HSD3B1: variants seen among roughly 807,000 people sequenced by gnomAD.
HSD3B1 encodes 3 beta-hydroxysteroid dehydrogenase/Delta 5-->4-isomerase type 1.
In HSD3B1, 11 loss-of-function variants were observed where a neutral mutation model predicts 10.4. That is an observed-to-expected ratio of 1.05 (90% CI 0.66 to 1.75). The LOEUF is 1.75. Among genes scored for constraint, HSD3B1 ranks in the 40% most tolerant of loss-of-function variants. The pLI is 0.00. For missense variants in HSD3B1, 490 were observed against 454.5 expected (o/e 1.08, Z -0.71); for synonymous variants, 217 against 185.4 (o/e 1.17, Z -1.39).
chr1:119,510,818 C>A (rs1205895676), intron 2 of HSD3B1, among the ~76,000 whole-genome samples: 1 of 136,024 alleles, frequency 7.4e-6, no homozygotes, highest in Non-Finnish European at 1.5e-5. Flanking sequence ...TGGCTCACTG[C>A]CAGGAACCAG....
At position 119,514,616 on chromosome 1, in the gene HSD3B1, A is replaced by G; in HGVS notation, c.1093A>G (p.Lys365Glu). 2 of 1,613,864 alleles carry G rather than the reference A, an allele frequency of 1.2e-6. No homozygotes were observed. Among genetic ancestry groups the G allele is most frequent in the Non-Finnish European group, 1.7e-6 (2 of 1,179,962 alleles). Residue 365 changes from lysine (K) to glutamate (E), a missense_variant, in exon 4 of 4, where the codon AAG becomes GAG. By Grantham distance (56) the Lys-to-Glu change is moderately conservative. Transcript: ENST00000369413. Reference protein sequence around the residue: ...EWVGSLVDRHKETLKSKTQ With the variant: ...EWVGSLVDRHEETLKSKTQ ...GGTTGGTTCCCTTGTGGACCGGCACAAGGAGACCCTGAAGTCCAAGACTCA... is the reference window on the plus strand; with the variant it reads ...GGTTGGTTCCCTTGTGGACCGGCACGAGGAGACCCTGAAGTCCAAGACTCA...
rs141383681 is a variant in HSD3B1, at chr1:119,514,582, G to A, written c.1059G>A (p.Thr353=). The A allele has an allele frequency of 8.7e-6, 14 of 1,613,916 alleles. No individual in the cohort carries two copies. Among genetic ancestry groups the A allele is most frequent in the East Asian group, 6.7e-5 (3 of 44,820 alleles). ...LYSWEEAKQK[T]VEWVGSLVDR... ...GCTGGGAGGAAGCCAAGCAGAAAAC[G>A]GTGGAGTGGGTTGGTTCCCTTGTGG... The change falls in exon 4 of 4, where the codon ACG becomes ACA. Residue 353 remains threonine (T), a synonymous_variant. Transcript: ENST00000369413.
chr1:119,510,717 CTTTTTTTTTTT>C (rs962978657), intron 2 of HSD3B1, among the ~76,000 whole-genome samples: 95 of 54,144 alleles, frequency 1.8e-3, no homozygotes, highest in African/African-American at 3.8e-3. Flanking sequence ...GTGTGGTTTT[CTTTTTTTTTTT>C]TTTTTTTTTT....
intron 2 of HSD3B1, 125 bp from the exon 3 acceptor site, chr1:119,511,378 G>A (rs1653932306): frequency 3.5e-6 from 3 of 856,050 alleles, no homozygotes; most frequent in Non-Finnish European, 5.7e-6. Context: ...TCCGTAGAAT[G>A]TACACCCTCC....
chr1:119,514,959 T>C lies in HSD3B1; in HGVS notation c.*314T>C. Reference sequence around the variant, plus strand: ...GGTCGTTTTGACTACTAGAGCTCCATTTCTACTCTTAAATGAGAAAGGATT... The same window carrying C: ...GGTCGTTTTGACTACTAGAGCTCCACTTCTACTCTTAAATGAGAAAGGATT... On this transcript the variant is annotated 3_prime_UTR_variant, in exon 4 of 4. Coordinates refer to ENST00000369413, the MANE Select transcript of HSD3B1 (RefSeq NM_000862.3). 2.8e-6 allele frequency: 1 copy of C among 354,364 alleles called. No homozygotes were observed. The allele number at this position is 354,364 out of a possible 1,614,324, so 22.0% of individuals were successfully genotyped here.
intron 2 of HSD3B1, chr1:119,508,032 G>A (rs144721484): frequency 2.7e-4 from 47 of 175,952 alleles, no homozygotes; most frequent in African/African-American, 8.4e-4. Flanking sequence ...TCTCTAGAAC[G>A]TGCCAGGCTG....
intron 2 of HSD3B1, among the ~76,000 whole-genome samples, chr1:119,508,734 G>T (rs776453553): frequency 6.6e-6 from 1 of 152,058 alleles, no homozygotes; most frequent in African/African-American, 2.4e-5. Context: ...GTCTACATGT[G>T]GGCTCTGGCT....
chr1:119,514,398 A>G lies in HSD3B1; in HGVS notation c.875A>G (p.Tyr292Cys). 2 of 1,614,074 alleles carry G rather than the reference A, an allele frequency of 1.2e-6. No homozygotes were observed. Among genetic ancestry groups the G allele is most frequent in the Non-Finnish European group, 1.7e-6 (2 of 1,180,004 alleles). Residue 292 changes from tyrosine to cysteine, a missense_variant, in exon 4 of 4, where the codon TAT becomes TGT. Coordinates refer to ENST00000369413, the MANE Select transcript of HSD3B1 (RefSeq NM_000862.3). ...SRWSFPLSLM[Y>C]WIGFLLEIVS... ...TGGAGCTTTCCTTTATCCCTGATGT[A>G]TTGGATTGGCTTCCTGCTGGAAATA...
intron 3 of HSD3B1, among the ~76,000 whole-genome samples, 189 bp from the exon 4 acceptor site, chr1:119,513,645 T>C (rs1654009445): frequency 6.6e-6 from 1 of 152,116 alleles, no homozygotes; most frequent in African/African-American, 2.4e-5. Context: ...TGTCAGTTTC[T>C]CTTCATTTTG....
At chr1:119,511,422 C>T in intron 2 of HSD3B1, 81 bp from the exon 3 acceptor site, 1 of 1,399,800 alleles carries the variant, frequency 7.1e-7, no homozygotes, top group Non-Finnish European at 1.0e-6. Context: ...TCCTTGAACA[C>T]CTATGTAACA....
chr1:119,510,971 C>T (rs587651278), intron 2 of HSD3B1, among the ~76,000 whole-genome samples: 3 of 151,878 alleles, frequency 2.0e-5, no homozygotes, highest in African/African-American at 7.3e-5. Context: ...GTCTCAACCT[C>T]CTGCGCTCCA....
Position 119,514,049 on chromosome 1 carries a change from A to C in HSD3B1, c.526A>C (p.Asn176His). The change falls in exon 4 of 4, where the codon AAC becomes CAC. Residue 176 changes from asparagine (N) to histidine (H), a missense_variant. Transcript: ENST00000369413. ...GGCGGCTAACGGGTGGAATCTGAAA[A>C]ACGGCGGCACCCTGTACACTTGTGC... ...VLAANGWNLK[N>H]GGTLYTCALR... The C allele has an allele frequency of 6.2e-7, 1 of 1,614,062 alleles. No homozygotes were observed.
chr1:119,508,670 C>T (rs1020759354), intron 2 of HSD3B1, among the ~76,000 whole-genome samples: 4 of 152,138 alleles, frequency 2.6e-5, no homozygotes, highest in Non-Finnish European at 4.4e-5. Context: ...CTTGGTGTGC[C>T]CCAAAACAAT....
intron 3 of HSD3B1, among the ~76,000 whole-genome samples, chr1:119,512,868 C>T (rs1188460412): frequency 6.6e-6 from 1 of 152,172 alleles, no homozygotes; most frequent in Non-Finnish European, 1.5e-5. Context: ...GGCTGTCTTT[C>T]CAGAAACTCA....
chr1:119,511,428 T>C lies in HSD3B1; in HGVS notation c.146-75T>C, dbSNP rs1310966759. ...CTCTAACCATCCTTGAACACCTATG[T>C]AACATCACCTTTATCAGAAAACTTC... On this transcript the variant is annotated intron_variant, in intron 2 of 3. Transcript: ENST00000369413. 5 of 1,466,512 alleles carry C rather than the reference T, an allele frequency of 3.4e-6. No individual in the cohort carries two copies. In the Admixed American group the frequency reaches 6.8e-5, roughly 20 times the overall value. 90.8% of individuals were successfully genotyped at this position (1,466,512 alleles called of 1,614,324 possible). A position where few individuals can be genotyped will look rare whatever the true frequency, so the allele number is the denominator to read the frequency against.
rs72469587 is a variant in HSD3B1, at chr1:119,508,371, A to T, written c.145+750A>T. Among the ~76,000 whole-genome samples, 703 of 118,974 alleles carry T rather than the reference A, an allele frequency of 5.9e-3. 4 individuals are homozygous for T. The highest frequency in any genetic ancestry group is 0.016 in the South Asian group (65 of 4,010). The allele number at this position is 118,974 out of a possible 152,430, so 78.1% of individuals were successfully genotyped here. ...GATTTTGCATATATGGCTTTTTTTT[A>T]AAAAAAAAAAAACAAAACATTTACC... is the stretch of plus-strand genomic sequence containing the variant. On this transcript the variant is annotated intron_variant, in intron 2 of 3. Transcript: ENST00000369413.
intron 3 of HSD3B1, among the ~76,000 whole-genome samples, chr1:119,512,991 T>C (rs1305036309): frequency 6.6e-6 from 1 of 152,220 alleles, no homozygotes; most frequent in African/African-American, 2.4e-5. Context: ...GGTACCTCCA[T>C]GAGCTTTGCT....
rs33913717 is a variant in HSD3B1, at chr1:119,514,540, G to A, written c.1017G>A (p.Ala339=). 2,361 of 1,613,942 alleles carry A rather than the reference G, an allele frequency of 1.5e-3. 36 individuals carry two copies. The African/African-American group carries it at 0.028, about 19-fold the overall frequency. The change falls in exon 4 of 4, where the codon GCG becomes GCA. Residue 339 remains alanine (A), a synonymous_variant. Transcript: ENST00000369413. ...ATAAGAAGGCTCAGCGAGATCTGGC[G>A]TATAAGCCACTCTACAGCTGGGAGG... The part of the protein sequence containing the change: ...FSYKKAQRDL[A]YKPLYSWEEA...
At chr1:119,511,688 G>C (rs1653944315) in intron 3 of HSD3B1, 21 bp downstream of exon 3, 1 of 1,610,768 alleles carries the variant, frequency 6.2e-7, no homozygotes, top group Non-Finnish European at 8.5e-7. Context: ...CTGGGGAGGA[G>C]ATGCAGCAAG....
Sources: gnomAD v4.1 joint callset for allele counts (sites outside exome capture counted in the v4.1 genomes callset) on GRCh38, gnomAD v4.1.1 for gene constraint, MANE v1.5 for transcripts, NCBI Gene and HGNC (gene_info 2026-07-23, HGNC 2026-07-21) for gene names.